MYO1D: variants seen among roughly 807,000 people sequenced by gnomAD.
MYO1D encodes the protein unconventional myosin-Id.
Under a neutral mutation model 122.0 loss-of-function variants are expected in MYO1D, and 83 were observed. That is an observed-to-expected ratio of 0.68 (90% CI 0.57 to 0.82). MYO1D has a LOEUF of 0.82. Ranked by LOEUF, MYO1D falls within the 40% of genes least tolerant of loss-of-function variation. The pLI, the probability that MYO1D is intolerant of heterozygous loss-of-function variation, is 0.00. For synonymous variants in MYO1D, 464 were observed against 446.9 expected (o/e 1.04, Z -0.48); for missense variants, 1,157 against 1,269.5 (o/e 0.91, Z 1.35).
At chr17:32,572,187 G>C (rs1405555504) in intron 21 of MYO1D, among the ~76,000 whole-genome samples, 1 of 138,700 alleles carries the variant, frequency 7.2e-6, no homozygotes, top group East Asian at 1.9e-4. Context: ...ATTTTCTAAG[G>C]TGCTGATGCC....
chr17:32,873,458 A>G lies in MYO1D; in HGVS notation c.95+3320T>C, dbSNP rs575301468. Among the ~76,000 whole-genome samples, 14 of 152,298 alleles carry G rather than the reference A, an allele frequency of 9.2e-5. No individual in the cohort carries two copies. The South Asian group carries it at 2.9e-3, about 32-fold the overall frequency. ...GAATTTCACTCACACATCCATATAT[A>G]CCAATGGACCAAACACGCTCAATTT... is the stretch of plus-strand genomic sequence containing the variant. On this transcript the variant is annotated intron_variant, in intron 1 of 21. Coordinates refer to ENST00000318217, the MANE Select transcript of MYO1D (RefSeq NM_015194.3).
chr17:32,701,356 T>C (rs1338477971), intron 16 of MYO1D, among the ~76,000 whole-genome samples: 1 of 152,202 alleles, frequency 6.6e-6, no homozygotes, highest in Non-Finnish European at 1.5e-5. Context: ...CAAGGCTATT[T>C]AGACTGTTCC....
intron 20 of MYO1D, among the ~76,000 whole-genome samples, chr17:32,630,044 T>C (rs76136157): frequency 0.16 from 24,593 of 152,228 alleles, 2,160 homozygotes; most frequent in Middle Eastern, 0.25. Flanking sequence ...CATGTGGTCA[T>C]GGACTAGAGT....
intron 1 of MYO1D, among the ~76,000 whole-genome samples, chr17:32,825,046 A>C (rs2090708778): frequency 6.6e-6 from 1 of 152,218 alleles, no homozygotes; most frequent in African/African-American, 2.4e-5. Context: ...ATAAGGATAA[A>C]AAAGTAAGCT....
At chr17:32,526,718 T>A (rs1182986157) in intron 21 of MYO1D, among the ~76,000 whole-genome samples, 1 of 152,030 alleles carries the variant, frequency 6.6e-6, no homozygotes, top group Non-Finnish European at 1.5e-5. Context: ...AGGTGCACAA[T>A]CATGGCTCAC....
chr17:32,650,688 G>A lies in MYO1D; in HGVS notation c.2595+3155C>T, dbSNP rs182069903. Among the ~76,000 whole-genome samples, 747 of 151,994 alleles carry A rather than the reference G, an allele frequency of 4.9e-3. 6 individuals are homozygous for A. The highest frequency in any genetic ancestry group is 7.4e-3 in the Non-Finnish European group (505 of 67,988). On this transcript the variant is annotated intron_variant, in intron 19 of 21. Transcript: ENST00000318217. ...ACTAATCTGCTGTTAATCCCATTGA[G>A]TATGTTTTTTCCTCCCAGAAATTGT... is the stretch of plus-strand genomic sequence containing the variant.
chr17:32,507,298 G>A (rs2150856846), intron 21 of MYO1D, among the ~76,000 whole-genome samples: 1 of 152,258 alleles, frequency 6.6e-6, no homozygotes, highest in Non-Finnish European at 1.5e-5. Context: ...CAGCTACTCG[G>A]GAGGCTGAGG....
intron 3 of MYO1D, 128 bp from the exon 4 acceptor site, chr17:32,776,157 T>TA (rs2090170001): frequency 5.3e-6 from 4 of 759,340 alleles, no homozygotes; most frequent in South Asian, 2.1e-5. Context: ...GTTTGCAATA[T>TA]CAAAAAAAAA....
At chr17:32,764,539 T>C (rs576534648) in intron 8 of MYO1D, among the ~76,000 whole-genome samples, 150 of 152,236 alleles carry the variant, frequency 9.9e-4, no homozygotes, top group African/African-American at 3.5e-3. Context: ...CATAAACATA[T>C]ACAATTATTG....
At chr17:32,581,997 T>C (rs1291207983) in intron 21 of MYO1D, among the ~76,000 whole-genome samples, 1 of 152,154 alleles carries the variant, frequency 6.6e-6, no homozygotes, top group Non-Finnish European at 1.5e-5. Context: ...ACTCCTGACC[T>C]GTCTTGGACA....
chr17:32,718,516 G>A (rs1429639903), intron 15 of MYO1D, among the ~76,000 whole-genome samples: 1 of 152,028 alleles, frequency 6.6e-6, no homozygotes, highest in African/African-American at 2.4e-5. Flanking sequence ...TGGCCAACAT[G>A]GTGAAACTCT....
chr17:32,593,470 T>C (rs989857898), intron 21 of MYO1D, among the ~76,000 whole-genome samples: 5 of 152,202 alleles, frequency 3.3e-5, no homozygotes, highest in Admixed American at 1.3e-4. Context: ...CTTAGAAGAC[T>C]AAAGATGTTG....
intron 1 of MYO1D, among the ~76,000 whole-genome samples, chr17:32,785,217 C>G (rs1331438165): frequency 1.3e-5 from 2 of 152,138 alleles, no homozygotes; most frequent in Admixed American, 1.3e-4. Flanking sequence ...AAATGTACTC[C>G]TGAAGCGTCT....
chr17:32,617,928 A>G (rs2087796946), intron 20 of MYO1D, among the ~76,000 whole-genome samples: 2 of 152,224 alleles, frequency 1.3e-5, no homozygotes, highest in African/African-American at 4.8e-5. Flanking sequence ...TAAAAATACC[A>G]TATTTATAAA....
At chr17:32,876,120 C>T (rs1473434463) in intron 1 of MYO1D, among the ~76,000 whole-genome samples, 2 of 151,956 alleles carry the variant, frequency 1.3e-5, no homozygotes, top group Non-Finnish European at 2.9e-5. Flanking sequence ...GACAGTTTAT[C>T]TTGGCACTGG....
At chr17:32,637,313 A>G (rs1445495000) in intron 20 of MYO1D, among the ~76,000 whole-genome samples, 2 of 152,218 alleles carry the variant, frequency 1.3e-5, no homozygotes, top group African/African-American at 4.8e-5. Flanking sequence ...GAGGGTTATT[A>G]GGCTTAAACT....
intron 1 of MYO1D, among the ~76,000 whole-genome samples, chr17:32,850,921 T>A (rs1043741552): frequency 3.2e-5 from 4 of 125,332 alleles, no homozygotes; most frequent in Non-Finnish European, 7.0e-5. Flanking sequence ...AGAATACTTA[T>A]GAAAACTTTT....
chr17:32,671,803 T>C (rs1412325023), intron 16 of MYO1D, among the ~76,000 whole-genome samples: 2 of 152,212 alleles, frequency 1.3e-5, no homozygotes, highest in African/African-American at 2.4e-5. Context: ...CTGAGTTATA[T>C]ATAAAGGCTG....
chr17:32,869,468 A>G (rs2091159520), intron 1 of MYO1D, among the ~76,000 whole-genome samples: 1 of 152,244 alleles, frequency 6.6e-6, no homozygotes, highest in Admixed American at 6.5e-5. Context: ...CACTGCTGAC[A>G]GTAAAGTTCC....
Sources: gnomAD v4.1 joint callset for allele counts (sites outside exome capture counted in the v4.1 genomes callset) on GRCh38, gnomAD v4.1.1 for gene constraint, MANE v1.5 for transcripts, NCBI Gene and HGNC (gene_info 2026-07-23, HGNC 2026-07-21) for gene names.